The following SMC2 variants were observed in gnomAD, a reference collection of about 807,000 sequenced individuals.
SMC2 encodes the protein structural maintenance of chromosomes 2.
SMC2 carries 41 observed loss-of-function variants against 142.6 expected under a neutral mutation model. The observed-to-expected ratio is 0.29, with a 90% confidence interval of 0.22 to 0.37. The LOEUF is 0.37. Among genes scored for constraint, SMC2 ranks in the 10% least tolerant of loss-of-function variants. The probability of loss-of-function intolerance (pLI) is 1.00; values close to 1 mark genes in which losing one functional copy is unlikely to be tolerated. For missense variants in SMC2, 1,265 were observed against 1,373.7 expected (o/e 0.92, Z 1.25); for synonymous variants, 463 against 457.5 (o/e 1.01, Z -0.15).
intron 14 of SMC2, among the ~76,000 whole-genome samples, chr9:104,116,659 T>A (rs1453620801): frequency 6.6e-6 from 1 of 152,190 alleles, no homozygotes; most frequent in Non-Finnish European, 1.5e-5. Flanking sequence ...TGTTTTTGTT[T>A]CTTTTTATGT....
intron 19 of SMC2, among the ~76,000 whole-genome samples, chr9:104,127,047 C>T (rs912075493): frequency 2.0e-5 from 3 of 152,120 alleles, no homozygotes; most frequent in South Asian, 2.1e-4. Flanking sequence ...GCAGCATGAG[C>T]GTGCAGCATG....
Position 104,118,389 on chromosome 9 carries a change from CCTTTTCTCCT to C in SMC2, c.1996+16_1996+25del. 1 of 1,595,300 alleles carries C rather than the reference CCTTTTCTCCT, an allele frequency of 6.3e-7. No individual in the cohort carries two copies. The highest frequency in any genetic ancestry group is 8.6e-7 in the Non-Finnish European group (1 of 1,165,990). On this transcript the variant is annotated intron_variant, in intron 15 of 24. Coordinates refer to ENST00000374793, the MANE Select transcript of SMC2 (RefSeq NM_006444.3). Reference sequence around the variant, plus strand: ...CATTGAGTGGAGGTAAGTTTTATATCCTTTTCTCCTCACAATTCTTTGTGGTAAATAGGAA... The same window carrying C: ...CATTGAGTGGAGGTAAGTTTTATATCCACAATTCTTTGTGGTAAATAGGAA...
chr9:104,127,509 A>T, intron 20 of SMC2, 29 bp downstream of exon 20: 2 of 1,454,076 alleles, frequency 1.4e-6, no homozygotes, highest in Non-Finnish European at 1.8e-6. Context: ...TTTTTATACT[A>T]AATCAAATTT....
chr9:104,116,757 A>G (rs1289775603), intron 14 of SMC2, among the ~76,000 whole-genome samples: 1 of 152,218 alleles, frequency 6.6e-6, no homozygotes. Context: ...GAGTTCTTCT[A>G]GATTGCTATT....
chr9:104,111,946 G>A lies in SMC2; in HGVS notation c.1254+132G>A, dbSNP rs1408362789. 3.3e-5 allele frequency: 22 copies of A among 660,088 alleles called. No homozygotes were observed. The East Asian group carries it at 5.6e-4, about 17-fold the overall frequency. 40.9% of individuals were successfully genotyped at this position (660,088 alleles called of 1,614,324 possible). A position where few individuals can be genotyped will look rare whatever the true frequency, so the allele number is the denominator to read the frequency against. ...GGAACTTGTTTGTTTACTTTATTCT[G>A]CAACTCTAATGCCTAATGCAGCGAA... On this transcript the variant is annotated intron_variant, in intron 10 of 24. Coordinates refer to ENST00000374793, the MANE Select transcript of SMC2 (RefSeq NM_006444.3).
chr9:104,131,971 T>G lies in SMC2; in HGVS notation c.2992-38T>G, dbSNP rs567244782. On this transcript the variant is annotated intron_variant, in intron 21 of 24. Transcript: ENST00000374793. ...CAAATTCCAGAATATAGAAGAGATT[T>G]TATATTTTCCCAGTTAACCATGTTT... The G allele has an allele frequency of 8.6e-6, 9 of 1,043,014 alleles. 1 individual carries two copies. The highest frequency in any genetic ancestry group is 8.4e-5 in the South Asian group (6 of 71,724). The allele number at this position is 1,043,014 out of a possible 1,614,324, so 64.6% of individuals were successfully genotyped here. A position where few individuals can be genotyped will look rare whatever the true frequency, so the allele number is the denominator to read the frequency against.
chr9:104,118,362 G>A lies in SMC2; in HGVS notation c.1983G>A (p.Gly661=). 2.5e-6 allele frequency: 4 copies of A among 1,612,404 alleles called. No homozygotes were observed. The highest frequency in any genetic ancestry group is 1.3e-5 in the African/African-American group (1 of 74,964). ...GAGGTGATGTGTTTGATCCTCATGG[G>A]ACATTGAGTGGAGGTAAGTTTTATA... ...TLGGDVFDPH[G]TLSGGARSQA... The change falls in exon 15 of 25, where the codon GGG becomes GGA. Residue 661 remains glycine (G), a synonymous_variant. Transcript: ENST00000374793.
rs1830330033 is a variant in SMC2, at chr9:104,095,303, TG to T, written c.-61-19del. The T allele has an allele frequency of 4.7e-6, 5 of 1,071,176 alleles. No individual in the cohort carries two copies. The highest frequency in any genetic ancestry group is 2.2e-5 in the Admixed American group (1 of 45,876). 66.4% of individuals were successfully genotyped at this position (1,071,176 alleles called of 1,614,324 possible). Reference sequence around the variant, plus strand: ...CCAGGTTTACATTCCACTTAGGTGGTGGTATTTCTGTTTCGTACAGAACTGG... The same window carrying T: ...CCAGGTTTACATTCCACTTAGGTGGTGTATTTCTGTTTCGTACAGAACTGG... On this transcript the variant is annotated intron_variant, in intron 1 of 24. Coordinates refer to ENST00000374793, the MANE Select transcript of SMC2 (RefSeq NM_006444.3).
intron 13 of SMC2, among the ~76,000 whole-genome samples, chr9:104,115,636 A>T (rs76353259): frequency 1.3e-5 from 2 of 152,022 alleles, no homozygotes; most frequent in African/African-American, 4.8e-5. Context: ...ACATATACAT[A>T]GTGAAATGAT....
At chr9:104,128,453 G>A (rs1300860823) in intron 20 of SMC2, among the ~76,000 whole-genome samples, 2 of 152,066 alleles carry the variant, frequency 1.3e-5, no homozygotes, top group African/African-American at 2.4e-5. Flanking sequence ...GTAAAAGGAG[G>A]GACTTGCAAG....
intron 22 of SMC2, among the ~76,000 whole-genome samples, chr9:104,132,436 A>G (rs1835085322): frequency 6.6e-6 from 1 of 152,262 alleles, no homozygotes; most frequent in South Asian, 2.1e-4. Flanking sequence ...GGCAGATCTT[A>G]GGCTTCTTTA....
chr9:104,130,765 A>G (rs1430258988), intron 21 of SMC2, among the ~76,000 whole-genome samples: 3 of 152,124 alleles, frequency 2.0e-5, no homozygotes, highest in Admixed American at 2.0e-4. Flanking sequence ...CTTTGGTCTG[A>G]ATTTGATCTG....
At position 104,095,555 on chromosome 9, in the gene SMC2, A is replaced by G. The variant is rs1057385279; in HGVS notation, c.168+3A>G. 6 of 1,611,338 alleles carry G rather than the reference A, an allele frequency of 3.7e-6. No homozygotes were observed. Among genetic ancestry groups the G allele is most frequent in the Admixed American group, 3.3e-5 (2 of 59,882 alleles). ...TGGGCATCTCCAACCTGTCTCAGGTAAAGTGTAAACTTTCTGATTTATTTG... is the reference window on the plus strand; with the variant it reads ...TGGGCATCTCCAACCTGTCTCAGGTGAAGTGTAAACTTTCTGATTTATTTG... On this transcript the variant is annotated splice_donor_region_variant and intron_variant, in intron 2 of 24. Coordinates refer to ENST00000374793, the MANE Select transcript of SMC2 (RefSeq NM_006444.3).
At chr9:104,131,917 A>G (rs201758922) in intron 21 of SMC2, 92 bp from the exon 22 acceptor site, 9 of 689,770 alleles carry the variant, frequency 1.3e-5, no homozygotes, top group Non-Finnish European at 2.0e-5. Flanking sequence ...TATTGTATAT[A>G]AAAATAATGA....
chr9:104,094,667 C>T lies in SMC2; in HGVS notation c.-62+190C>T, dbSNP rs542935329. The T allele has an allele frequency of 1.7e-3, 628 of 373,324 alleles. 1 individual carries two copies. The highest frequency in any genetic ancestry group is 2.6e-3 in the Non-Finnish European group (536 of 210,064). 23.1% of individuals were successfully genotyped at this position (373,324 alleles called of 1,614,324 possible). ...TTGGAGTAGGGCGAAGAGGTGTAGA[C>T]AGGCCTGGAGAAGCGAGGTAAAAGC... is the stretch of plus-strand genomic sequence containing the variant. On this transcript the variant is annotated intron_variant, in intron 1 of 24. Transcript: ENST00000374793.
intron 13 of SMC2, among the ~76,000 whole-genome samples, chr9:104,115,566 C>T (rs1406035092): frequency 6.7e-6 from 1 of 150,036 alleles, no homozygotes; most frequent in Non-Finnish European, 1.5e-5. Context: ...GCCTGGGCAA[C>T]AGAGGAAGAC....
chr9:104,104,152 C>T (rs935222562), intron 9 of SMC2, among the ~76,000 whole-genome samples: 5 of 152,146 alleles, frequency 3.3e-5, no homozygotes, highest in African/African-American at 1.2e-4. Context: ...TCATCCAGCT[C>T]TGTAACTCTA....
intron 4 of SMC2, 77 bp from the exon 5 acceptor site, chr9:104,099,567 A>G: frequency 2.2e-6 from 2 of 893,544 alleles, no homozygotes; most frequent in East Asian, 4.9e-5. Flanking sequence ...GCTTCAGTCT[A>G]GATAAACATG....
chr9:104,095,870 G>A (rs1336888416), intron 2 of SMC2, among the ~76,000 whole-genome samples: 1 of 152,020 alleles, frequency 6.6e-6, no homozygotes, highest in Non-Finnish European at 1.5e-5. Context: ...AAAATCTTTG[G>A]GACAGTATTT....
Sources: gnomAD v4.1 joint callset for allele counts (sites outside exome capture counted in the v4.1 genomes callset) on GRCh38, gnomAD v4.1.1 for gene constraint, MANE v1.5 for transcripts, NCBI Gene and HGNC (gene_info 2026-07-23, HGNC 2026-07-21) for gene names.